Variants in F13A1 observed in about 807,000 individuals in gnomAD.
F13A1 encodes the protein coagulation factor XIII A chain.
A neutral mutation model predicts 80.1 loss-of-function variants in F13A1; 47 were observed. The ratio of observed to expected loss-of-function variants is 0.59; its 90% confidence interval spans 0.46 to 0.75. F13A1 has a LOEUF of 0.75. Ranked by LOEUF, F13A1 falls within the 30% of genes least tolerant of loss-of-function variation. The probability of loss-of-function intolerance (pLI) is 0.00; values close to 1 mark genes in which losing one functional copy is unlikely to be tolerated. For missense variants in F13A1, 817 were observed against 930.4 expected (o/e 0.88, Z 1.59); for synonymous variants, 349 against 344.9 (o/e 1.01, Z -0.13).
chr6:6,311,091 G>C (rs1415900258), intron 2 of F13A1, among the ~76,000 whole-genome samples: 1 of 151,874 alleles, frequency 6.6e-6, no homozygotes, highest in African/African-American at 2.4e-5. Flanking sequence ...CTTTATATAG[G>C]TGATTTTTTA....
intron 2 of F13A1, among the ~76,000 whole-genome samples, chr6:6,308,517 A>C (rs1742934): frequency 0.34 from 51,026 of 150,828 alleles, 8,793 homozygotes; most frequent in East Asian, 0.5. Flanking sequence ...TATTATTTCA[A>C]ATCAAGATAT....
intron 12 of F13A1, among the ~76,000 whole-genome samples, chr6:6,169,729 C>A (rs114747314): frequency 0.011 from 1,691 of 152,244 alleles, 32 homozygotes; most frequent in African/African-American, 0.036. Context: ...AGTTAAACAT[C>A]CTACAATGCA....
chr6:6,200,477 G>A (rs1761373546), intron 8 of F13A1, among the ~76,000 whole-genome samples: 1 of 151,596 alleles, frequency 6.6e-6, no homozygotes, highest in Non-Finnish European at 1.5e-5. Flanking sequence ...CTTGAGCCCG[G>A]GAGATCAAGG....
intron 13 of F13A1, among the ~76,000 whole-genome samples, chr6:6,163,200 G>T (rs1760603584): frequency 6.6e-6 from 1 of 152,148 alleles, no homozygotes; most frequent in Non-Finnish European, 1.5e-5. Flanking sequence ...GTCCATCCAG[G>T]CTCAAAGAGG....
In F13A1 at chr6:6,211,768, G is replaced by A. The variant is rs139772675; in HGVS notation, c.1112+10265C>T. 4.1e-3 allele frequency among the ~76,000 whole-genome samples: 622 copies of A among 152,312 alleles called. 2 individuals carry two copies. The highest frequency in any genetic ancestry group is 0.013 in the African/African-American group (555 of 41,564). On this transcript the variant is annotated intron_variant, in intron 8 of 14. Transcript: ENST00000264870. ...TTTCTGCATTTCCATCTGAGGTACCGGGTTCATCTCACTAGGGAGTGCCAG... is the reference window on the plus strand; with the variant it reads ...TTTCTGCATTTCCATCTGAGGTACCAGGTTCATCTCACTAGGGAGTGCCAG...
At chr6:6,293,746 G>A (rs986545292) in intron 3 of F13A1, among the ~76,000 whole-genome samples, 8 of 144,146 alleles carry the variant, frequency 5.5e-5, no homozygotes, top group African/African-American at 2.1e-4. Context: ...AGGGAGGAAG[G>A]GAGGGAGGAA....
chr6:6,294,113 A>T (rs796983425), intron 3 of F13A1, among the ~76,000 whole-genome samples: 2 of 152,142 alleles, frequency 1.3e-5, no homozygotes, highest in African/African-American at 4.8e-5. Flanking sequence ...CTAAAAAAAA[A>T]GTTTTTTTAA....
At chr6:6,208,344 A>G (rs896144856) in intron 8 of F13A1, among the ~76,000 whole-genome samples, 3 of 152,224 alleles carry the variant, frequency 2.0e-5, no homozygotes, top group African/African-American at 7.2e-5. Context: ...TCCAATTTGA[A>G]TAACAGAAGC....
intron 14 of F13A1, among the ~76,000 whole-genome samples, 176 bp from the exon 15 acceptor site, chr6:6,145,948 A>G (rs1760271356): frequency 6.6e-6 from 1 of 152,178 alleles, no homozygotes; most frequent in East Asian, 1.9e-4. Context: ...GCCCCCACAT[A>G]AAGCTCTGCA....
intron 3 of F13A1, among the ~76,000 whole-genome samples, chr6:6,297,683 C>T (rs1289832407): frequency 2.0e-5 from 3 of 148,860 alleles, no homozygotes; most frequent in Non-Finnish European, 4.4e-5. Flanking sequence ...TTTTGTTGAT[C>T]CTTTCAAAAA....
At chr6:6,246,751 C>T (rs1267843) in intron 6 of F13A1, among the ~76,000 whole-genome samples, 86,618 of 152,084 alleles carry the variant, frequency 0.57, 25,967 homozygotes, top group African/African-American at 0.72. Flanking sequence ...CTGGCTTCTG[C>T]TAGGCAGTGA....
chr6:6,194,304 T>G (rs540968160), intron 10 of F13A1, among the ~76,000 whole-genome samples: 5 of 152,154 alleles, frequency 3.3e-5, no homozygotes, highest in Non-Finnish European at 7.4e-5. Flanking sequence ...AGCCTCCACC[T>G]TCCAACACCC....
At chr6:6,199,508 G>T (rs1010166316) in intron 8 of F13A1, among the ~76,000 whole-genome samples, 1 of 145,156 alleles carries the variant, frequency 6.9e-6, no homozygotes, top group Non-Finnish European at 1.5e-5. Flanking sequence ...AAAAAAAAAA[G>T]AACAGTACTA....
intron 10 of F13A1, among the ~76,000 whole-genome samples, chr6:6,184,157 C>T (rs970013768): frequency 1.3e-5 from 2 of 152,198 alleles, no homozygotes; most frequent in African/African-American, 4.8e-5. Flanking sequence ...TAGTTTGAAC[C>T]TCACAACAAC....
At chr6:6,212,049 T>A (rs1018859638) in intron 8 of F13A1, among the ~76,000 whole-genome samples, 1 of 152,230 alleles carries the variant, frequency 6.6e-6, no homozygotes, top group Non-Finnish European at 1.5e-5. Flanking sequence ...GTCTCGCTGA[T>A]TGCTAGCACA....
Position 6,248,260 on chromosome 6 carries a change from T to C in F13A1, c.798+52A>G, listed in dbSNP as rs1351153716. 4 of 1,412,272 alleles carry C rather than the reference T, an allele frequency of 2.8e-6. No homozygotes were observed. The African/African-American group carries it at 4.2e-5, about 15-fold the overall frequency. The allele number at this position is 1,412,272 out of a possible 1,614,324, so 87.5% of individuals were successfully genotyped here. A position where few individuals can be genotyped will look rare whatever the true frequency, so the allele number is the denominator to read the frequency against. On this transcript the variant is annotated intron_variant, in intron 6 of 14. Coordinates refer to ENST00000264870, the MANE Select transcript of F13A1 (RefSeq NM_000129.4). ...GCTCTTAATGAACTGGCATATATAC[T>C]GAGGCAAATGACAGGTGTAACAGAT...
chr6:6,227,638 A>G (rs1337587464), intron 6 of F13A1, among the ~76,000 whole-genome samples: 1 of 152,184 alleles, frequency 6.6e-6, no homozygotes, highest in Non-Finnish European at 1.5e-5. Flanking sequence ...TTGAACTCAC[A>G]TTATCATTCC....
intron 13 of F13A1, among the ~76,000 whole-genome samples, chr6:6,160,122 C>CA (rs1323714332): frequency 7.3e-5 from 11 of 151,376 alleles, no homozygotes; most frequent in African/African-American, 2.7e-4. Flanking sequence ...ACTAAAAATG[C>CA]AAAAATTATC....
chr6:6,173,441 T>C (rs1246481760), intron 12 of F13A1, among the ~76,000 whole-genome samples: 6 of 142,690 alleles, frequency 4.2e-5, no homozygotes, highest in Non-Finnish European at 3.0e-5. Context: ...GGAGTATCGC[T>C]CAGTCACCCA....
Sources: gnomAD v4.1 joint callset for allele counts (sites outside exome capture counted in the v4.1 genomes callset) on GRCh38, gnomAD v4.1.1 for gene constraint, MANE v1.5 for transcripts, NCBI Gene and HGNC (gene_info 2026-07-23, HGNC 2026-07-21) for gene names.